IQCE: variants seen among roughly 807,000 people sequenced by gnomAD.
The protein encoded by IQCE is IQ domain-containing protein E.
In IQCE, 115 loss-of-function variants were observed where a neutral mutation model predicts 96.0. The ratio of observed to expected loss-of-function variants is 1.20; its 90% confidence interval spans 1.03 to 1.40. The LOEUF (loss-of-function observed/expected upper bound fraction) is 1.40, where lower values mean the gene tolerates loss of function less well. Among genes scored for constraint, IQCE ranks in the 40% most tolerant of loss-of-function variants. The pLI is 0.00. For synonymous variants in IQCE, 412 were observed against 371.2 expected (o/e 1.11, Z -1.26); for missense variants, 1,041 against 909.1 (o/e 1.15, Z -1.87).
intron 5 of IQCE, chr7:2,572,873 T>C (rs1781861984): frequency 2.6e-6 from 1 of 388,128 alleles, no homozygotes. Context: ...TTCCCACCTA[T>C]CCTCCTTAAG....
At chr7:2,576,165 C>G (rs1230249850) in intron 6 of IQCE, among the ~76,000 whole-genome samples, 1 of 152,170 alleles carries the variant, frequency 6.6e-6, no homozygotes, top group Non-Finnish European at 1.5e-5. Flanking sequence ...TCCAGATTGT[C>G]TTTTGCTCAG....
At chr7:2,578,548 CAG>C in intron 8 of IQCE, 22 bp downstream of exon 8, 1 of 1,613,582 alleles carries the variant, frequency 6.2e-7, no homozygotes, top group Non-Finnish European at 8.5e-7. Flanking sequence ...GTGTGCAGGA[CAG>C]AGCCTTTCCC....
chr7:2,575,844 G>GC (rs1463770732), intron 6 of IQCE, among the ~76,000 whole-genome samples: 2 of 152,070 alleles, frequency 1.3e-5, no homozygotes, highest in African/African-American at 2.4e-5. Flanking sequence ...TCGATCGCTG[G>GC]CCCCCCGGCT....
In IQCE at chr7:2,610,176, T is replaced by A. The variant is rs1562690370; in HGVS notation, c.*14T>A. Reference sequence around the variant, plus strand: ...TTTCCAGTTTAGGTCCCCGTCACTGTCTCCACGCCGTGATGGCAGCGCTGC... The same window carrying A: ...TTTCCAGTTTAGGTCCCCGTCACTGACTCCACGCCGTGATGGCAGCGCTGC... On this transcript the variant is annotated 3_prime_UTR_variant, in exon 22 of 22. Transcript: ENST00000402050. The A allele has an allele frequency of 2.1e-6, 3 of 1,449,886 alleles. No individual in the cohort carries two copies. The highest frequency in any genetic ancestry group is 1.7e-5 in the Admixed American group (1 of 59,768). 89.8% of individuals were successfully genotyped at this position (1,449,886 alleles called of 1,614,324 possible).
Position 2,584,647 on chromosome 7 carries a change from T to C in IQCE, c.824+362T>C, listed in dbSNP as rs1197877997. ...TTTACTTTGCCACCTAATGTTTTCC[T>C]AAATAAGTTTATCAGGAGAAACACC... On this transcript the variant is annotated intron_variant, in intron 11 of 21. Coordinates refer to ENST00000402050, the MANE Select transcript of IQCE (RefSeq NM_152558.5). The C allele has an allele frequency of 2.3e-5, 5 of 216,210 alleles. No homozygotes were observed. In the South Asian group the frequency reaches 4.1e-4, roughly 18 times the overall value. The allele number at this position is 216,210 out of a possible 1,614,324, so 13.4% of individuals were successfully genotyped here.
intron 1 of IQCE, among the ~76,000 whole-genome samples, chr7:2,565,194 C>G (rs757228389): frequency 2.7e-5 from 4 of 147,830 alleles, no homozygotes; most frequent in Non-Finnish European, 5.9e-5. Flanking sequence ...GTCATGGATC[C>G]TTGGACTGTT....
At chr7:2,594,641 A>G (rs896587047) in intron 15 of IQCE, among the ~76,000 whole-genome samples, 6 of 152,248 alleles carry the variant, frequency 3.9e-5, no homozygotes, top group East Asian at 3.8e-4. Flanking sequence ...GTCCTCAGCC[A>G]CGGCCTCGTG....
chr7:2,581,904 G>A, intron 8 of IQCE: 1 of 291,126 alleles, frequency 3.4e-6, no homozygotes, highest in Non-Finnish European at 7.3e-6. Context: ...AGTAGAGACG[G>A]GGTTTCACCT....
chr7:2,604,486 G>T (rs948144450), intron 18 of IQCE, among the ~76,000 whole-genome samples: 5 of 152,194 alleles, frequency 3.3e-5, no homozygotes, highest in Non-Finnish European at 7.3e-5. Flanking sequence ...CCCCTTGCTT[G>T]ATTTAGAAGA....
chr7:2,579,457 C>G lies in IQCE; in HGVS notation c.630+931C>G, dbSNP rs115234572. Among the ~76,000 whole-genome samples, 816 of 152,086 alleles carry G rather than the reference C, an allele frequency of 5.4e-3. 9 individuals are homozygous for G. Among genetic ancestry groups the G allele is most frequent in the African/African-American group, 0.019 (780 of 41,472 alleles). On this transcript the variant is annotated intron_variant, in intron 8 of 21. Coordinates refer to ENST00000402050, the MANE Select transcript of IQCE (RefSeq NM_152558.5). ...AGGAGAAGGATATTATGGATCAATA[C>G]AACAAAGTTTTCTGTTTAGAAAATA...
chr7:2,579,989 C>A, intron 8 of IQCE: 1 of 152,222 alleles, frequency 6.6e-6, no homozygotes, highest in South Asian at 2.0e-4. Flanking sequence ...CTGCCTTGGC[C>A]TCCTAAAGTG....
chr7:2,588,699 C>CT (rs1462683825), intron 13 of IQCE, among the ~76,000 whole-genome samples: 3 of 109,096 alleles, frequency 2.7e-5, no homozygotes, highest in African/African-American at 3.6e-5. Context: ...GAGTCTCACT[C>CT]TATCGCCCAG....
At position 2,559,334 on chromosome 7, in the gene IQCE, G is replaced by A. The variant is rs1323749499; in HGVS notation, c.36+117G>A. Reference sequence around the variant, plus strand: ...CCGGCCCGGGGCGTGAGGACGGGGCGCACGGCCGGGTGACAGCTGCCATTA... The same window carrying A: ...CCGGCCCGGGGCGTGAGGACGGGGCACACGGCCGGGTGACAGCTGCCATTA... On this transcript the variant is annotated intron_variant, in intron 1 of 21. Transcript: ENST00000402050. The A allele has an allele frequency of 1.3e-5, 6 of 465,384 alleles. No homozygotes were observed. The East Asian group carries it at 2.2e-4, about 17-fold the overall frequency. 28.8% of individuals were successfully genotyped at this position (465,384 alleles called of 1,614,324 possible). A position where few individuals can be genotyped will look rare whatever the true frequency, so the allele number is the denominator to read the frequency against.
chr7:2,577,916 G>A (rs12700087), intron 6 of IQCE, among the ~76,000 whole-genome samples: 3,651 of 54,064 alleles, frequency 0.068, 1,280 homozygotes, highest in Non-Finnish European at 0.097. Context: ...GTGGCTGTGC[G>A]CGCGGGGACG....
intron 21 of IQCE, among the ~76,000 whole-genome samples, chr7:2,608,573 G>T (rs562006083): frequency 6.6e-6 from 1 of 152,186 alleles, no homozygotes; most frequent in Non-Finnish European, 1.5e-5. Flanking sequence ...GTACAGACAC[G>T]CAAAGCGGTC....
At chr7:2,584,419 G>T in intron 11 of IQCE, 134 bp downstream of exon 11, 2 of 833,442 alleles carry the variant, frequency 2.4e-6, no homozygotes, top group Non-Finnish European at 4.2e-6. Flanking sequence ...CACTGCACCT[G>T]TTCTGTTCAG....
intron 10 of IQCE, 113 bp downstream of exon 10, chr7:2,583,822 G>GGGGCGGA (rs1481091249): frequency 1.0e-5 from 1 of 97,860 alleles, no homozygotes; most frequent in African/African-American, 4.1e-5. Flanking sequence ...GCTGGGCGGC[G>GGGGCGGA]GGGCGGGCAC....
Position 2,610,277 on chromosome 7 carries a change from C to A in IQCE, c.*115C>A. ...GAACGATGATACCTACTTAACACCT[C>A]AGCATCTGCGTCGTGTCTCTTTGTG... On this transcript the variant is annotated 3_prime_UTR_variant, in exon 22 of 22. Coordinates refer to ENST00000402050, the MANE Select transcript of IQCE (RefSeq NM_152558.5). 1 of 712,010 alleles carries A rather than the reference C, an allele frequency of 1.4e-6. No individual in the cohort carries two copies. The highest frequency in any genetic ancestry group is 1.7e-5 in the African/African-American group (1 of 57,304). The allele number at this position is 712,010 out of a possible 1,614,324, so 44.1% of individuals were successfully genotyped here.
At position 2,612,590 on chromosome 7, in the gene IQCE, AG is replaced by A. The variant is rs1785148872; in HGVS notation, c.*2429del. 1 of 50,672 alleles carries A rather than the reference AG, an allele frequency of 2.0e-5. No homozygotes were observed. Among genetic ancestry groups the A allele is most frequent in the South Asian group, 5.8e-4 (1 of 1,728 alleles). 3.1% of individuals were successfully genotyped at this position (50,672 alleles called of 1,614,324 possible). ...GGAGGGGTGAGCTGTGGGCGGGGCG[AG>A]CTGTGGGTGGGGCCTAGCCATGGGA... On this transcript the variant is annotated 3_prime_UTR_variant, in exon 22 of 22. Transcript: ENST00000402050.
Sources: allele counts gnomAD v4.1 joint callset (sites outside exome capture counted in the v4.1 genomes callset), GRCh38; gene constraint gnomAD v4.1.1; transcripts MANE v1.5; gene names NCBI Gene and HGNC (gene_info 2026-07-23, HGNC 2026-07-21).